Variants in DCC observed in about 807,000 individuals in gnomAD.
The protein encoded by DCC is netrin receptor DCC.
In DCC, 58 loss-of-function variants were observed where a neutral mutation model predicts 172.5. That is an observed-to-expected ratio of 0.34 (90% CI 0.27 to 0.42). The LOEUF is 0.42. Among genes scored for constraint, DCC ranks in the 10% least tolerant of loss-of-function variants. The pLI, the probability that DCC is intolerant of heterozygous loss-of-function variation, is 1.00. For missense variants in DCC, 1,740 were observed against 1,791.0 expected (o/e 0.97, Z 0.51); for synonymous variants, 709 against 644.5 (o/e 1.10, Z -1.52).
In DCC at chr18:52,906,275, G is replaced by C; in HGVS notation, c.644G>C (p.Arg215Pro). ...GDIGIYRCSA[R>P]NPASSRTGNE... Reference sequence around the variant, plus strand: ...ATTGGAATTTACCGATGCTCAGCTCGAAATCCAGCCAGCTCAAGAACAGGA... The same window carrying C: ...ATTGGAATTTACCGATGCTCAGCTCCAAATCCAGCCAGCTCAAGAACAGGA... The change falls in exon 3 of 29, where the codon CGA (arginine) becomes CCA (proline). Residue 215 changes from arginine (R) to proline (P), a missense_variant. Arg to Pro is a moderately radical substitution (Grantham distance 103). This residue lies in a region of DCC where 1,732 missense variants were observed against 1,767.4 expected (regional missense o/e 0.98). Coordinates refer to ENST00000442544, the MANE Select transcript of DCC (RefSeq NM_005215.4). The C allele has an allele frequency of 6.2e-7, 1 of 1,614,012 alleles. No homozygotes were observed. Among genetic ancestry groups the C allele is most frequent in the Non-Finnish European group, 8.5e-7 (1 of 1,180,024 alleles).
At chr18:53,026,118 C>G (rs2041952214) in intron 5 of DCC, among the ~76,000 whole-genome samples, 1 of 151,824 alleles carries the variant, frequency 6.6e-6, no homozygotes, top group African/African-American at 2.4e-5. Context: ...CTGAAGTCCT[C>G]CCCTACTCCA....
chr18:53,078,714 C>G (rs1009312621), intron 7 of DCC, among the ~76,000 whole-genome samples: 1 of 152,098 alleles, frequency 6.6e-6, no homozygotes, highest in Non-Finnish European at 1.5e-5. Context: ...GCACAGCTGT[C>G]TTTGTTATTT....
intron 18 of DCC, among the ~76,000 whole-genome samples, chr18:53,402,365 A>G (rs1502227): frequency 0.96 from 145,609 of 151,240 alleles, 70,360 homozygotes; most frequent in Middle Eastern, 1. Flanking sequence ...ACTCCAGCCT[A>G]GGTAACAGAG....
intron 1 of DCC, among the ~76,000 whole-genome samples, chr18:52,714,499 A>G (rs1020692669): frequency 2.0e-5 from 3 of 152,200 alleles, no homozygotes; most frequent in African/African-American, 4.8e-5. Context: ...AACACAGAAC[A>G]TAGGTAGAAG....
intron 7 of DCC, among the ~76,000 whole-genome samples, chr18:53,095,018 A>G (rs563869904): frequency 3.7e-4 from 56 of 152,190 alleles, no homozygotes; most frequent in Non-Finnish European, 1.3e-4. Flanking sequence ...TGAGAGTGCA[A>G]TTAACTTCTA....
In DCC at chr18:53,265,673, A is replaced by G. The variant is rs1026365302; in HGVS notation, c.1912-39905A>G. On this transcript the variant is annotated intron_variant, in intron 12 of 28. Transcript: ENST00000442544. ...ATATAGTTCCAGAAATCAACTTATC[A>G]TGGAAAAATGCCAATGCAGGATAGG... 3.3e-5 allele frequency among the ~76,000 whole-genome samples: 5 copies of G among 152,352 alleles called. No homozygotes were observed. The South Asian group carries it at 6.2e-4, about 19-fold the overall frequency.
At chr18:53,039,823 G>A (rs1415659908) in intron 5 of DCC, among the ~76,000 whole-genome samples, 1 of 151,830 alleles carries the variant, frequency 6.6e-6, no homozygotes, top group Non-Finnish European at 1.5e-5. Context: ...TAATGTAGTT[G>A]TTCCTCTTCT....
At chr18:52,445,071 C>T (rs1348320869) in intron 1 of DCC, among the ~76,000 whole-genome samples, 1 of 151,982 alleles carries the variant, frequency 6.6e-6, no homozygotes, top group Non-Finnish European at 1.5e-5. Context: ...TGGAAACAAA[C>T]ACAGGAGCTA....
chr18:53,403,771 C>T (rs1297505708), intron 19 of DCC, among the ~76,000 whole-genome samples: 4 of 152,000 alleles, frequency 2.6e-5, no homozygotes, highest in Non-Finnish European at 4.4e-5. Flanking sequence ...TCAGCCGTCC[C>T]GTGATACAGA....
At chr18:52,982,274 G>T (rs1002588852) in intron 5 of DCC, among the ~76,000 whole-genome samples, 4 of 152,122 alleles carry the variant, frequency 2.6e-5, no homozygotes, top group African/African-American at 7.2e-5. Flanking sequence ...TCACAAGAGG[G>T]TATAGACAGA....
At chr18:52,380,736 T>A (rs374110394) in intron 1 of DCC, among the ~76,000 whole-genome samples, 6 of 152,248 alleles carry the variant, frequency 3.9e-5, no homozygotes, top group African/African-American at 1.4e-4. Flanking sequence ...TAAGATCCAT[T>A]CCAGATCTAA....
At chr18:52,529,241 C>G (rs2032074822) in intron 1 of DCC, among the ~76,000 whole-genome samples, 1 of 152,074 alleles carries the variant, frequency 6.6e-6, no homozygotes, top group Non-Finnish European at 1.5e-5. Context: ...AAGAGCAATC[C>G]CATTCCTATT....
intron 1 of DCC, among the ~76,000 whole-genome samples, chr18:52,658,168 T>C (rs2035290137): frequency 6.6e-6 from 1 of 152,206 alleles, no homozygotes; most frequent in Non-Finnish European, 1.5e-5. Context: ...TAATTTTTAA[T>C]GTCACAAAAC....
chr18:53,527,200 T>C (rs185560746), intron 28 of DCC, among the ~76,000 whole-genome samples: 2 of 150,506 alleles, frequency 1.3e-5, no homozygotes, highest in Admixed American at 1.3e-4. Context: ...ATAACTCTTC[T>C]TCTTCCTTTT....
chr18:52,853,317 A>C, intron 2 of DCC, among the ~76,000 whole-genome samples: 1 of 152,212 alleles, frequency 6.6e-6, no homozygotes, highest in Non-Finnish European at 1.5e-5. Context: ...CAAATAGAAG[A>C]AGTCGTAAGA....
chr18:52,479,202 A>G (rs1568188968), intron 1 of DCC, among the ~76,000 whole-genome samples: 1 of 152,178 alleles, frequency 6.6e-6, no homozygotes, highest in Non-Finnish European at 1.5e-5. Flanking sequence ...AATGCTTCTT[A>G]TCTTTTAAAT....
At chr18:53,478,794 T>C (rs1368860323) in intron 25 of DCC, among the ~76,000 whole-genome samples, 1 of 152,096 alleles carries the variant, frequency 6.6e-6, no homozygotes, top group Non-Finnish European at 1.5e-5. Flanking sequence ...TGTTGAGAAG[T>C]GAAATAAAGC....
chr18:52,987,443 C>CTT (rs2041313964), intron 5 of DCC, among the ~76,000 whole-genome samples: 4 of 152,168 alleles, frequency 2.6e-5, no homozygotes, highest in Admixed American at 2.6e-4. Context: ...AGACCATCCC[C>CTT]TTGTGACTTC....
intron 2 of DCC, among the ~76,000 whole-genome samples, chr18:52,763,822 A>G (rs143808852): frequency 1.3e-5 from 2 of 152,096 alleles, no homozygotes; most frequent in Non-Finnish European, 2.9e-5. Flanking sequence ...AGATTATCTG[A>G]TTATCCTGTG....
Sources: gnomAD v4.1 joint callset for allele counts (sites outside exome capture counted in the v4.1 genomes callset) on GRCh38, gnomAD v4.1.1 for gene constraint, gnomAD v4.1.1 regional missense constraint, MANE v1.5 for transcripts, NCBI Gene and HGNC (gene_info 2026-07-23, HGNC 2026-07-21) for gene names.